MAP2K5: variants seen among roughly 807,000 people sequenced by gnomAD.
MAP2K5 encodes the protein dual specificity mitogen-activated protein kinase kinase 5.
Under a neutral mutation model 83.1 loss-of-function variants are expected in MAP2K5, and 49 were observed. The ratio of observed to expected loss-of-function variants is 0.59; its 90% CI spans 0.47 to 0.75. The LOEUF (loss-of-function observed/expected upper bound fraction) is 0.75. Ranked by LOEUF, MAP2K5 falls within the 30% of genes least tolerant of loss-of-function variation. The pLI is 0.00. For synonymous variants in MAP2K5, 202 were observed against 191.8 expected (o/e 1.05, Z -0.44); for missense variants, 457 against 557.5 (o/e 0.82, Z 1.82).
rs537587183 is a variant in MAP2K5 at position 67,623,802 on chromosome 15, G to A, written c.546-7086G>A. ...AATAGAGACGGGGTTTCTCCATGTT[G>A]GTCAGGCTGGTCTCGAACTCCCAAC... On this transcript the variant is annotated intron_variant, in intron 8 of 21. Transcript: ENST00000178640. Among the ~76,000 whole-genome samples, 24 of 151,826 alleles carry A rather than the reference G, an allele frequency of 1.6e-4. No homozygotes were observed. The East Asian group carries it at 2.9e-3, about 19-fold the overall frequency.
In MAP2K5 at chr15:67,690,803, G is replaced by T. The variant is rs2088090621; in HGVS notation, c.848-1676G>T. Among the ~76,000 whole-genome samples the T allele has an allele frequency of 1.3e-5, 2 of 152,056 alleles. No homozygotes were observed. ...CCTGCCTCAGCCTCCCAAAGTGTTG[G>T]GATTACATGCGTGAGCCACTGCTCC... On this transcript the variant is annotated intron_variant, in intron 13 of 21. Coordinates refer to ENST00000178640, the MANE Select transcript of MAP2K5 (RefSeq NM_145160.3). This position sits in a 1 kb window ranked among gnomAD's most constrained non-coding sequence, Gnocchi z 4.3.
At chr15:67,726,734 G>C (rs1015314123) in intron 16 of MAP2K5, among the ~76,000 whole-genome samples, 3 of 152,166 alleles carry the variant, frequency 2.0e-5, no homozygotes, top group African/African-American at 7.2e-5. Context: ...CTTTGAAGTG[G>C]GTTGATGCTC....
At chr15:67,806,050 C>G (rs2090798297) in intron 21 of MAP2K5, among the ~76,000 whole-genome samples, 1 of 152,198 alleles carries the variant, frequency 6.6e-6, no homozygotes, top group Non-Finnish European at 1.5e-5. Flanking sequence ...AGTCCAGCCC[C>G]CAATGGAACT....
rs1197779216 is a variant in MAP2K5 at position 67,672,605 on chromosome 15, G to C, written c.847+7960G>C. ...GGTTGTGAAAATTTTCTCACATTTT[G>C]TAGGTTGCCTGTTCACTCTGATGGT... On this transcript the variant is annotated intron_variant, in intron 13 of 21. Transcript: ENST00000178640. Among the ~76,000 whole-genome samples, 5 of 150,774 alleles carry C rather than the reference G, an allele frequency of 3.3e-5. No individual in the cohort carries two copies. The East Asian group carries it at 9.7e-4, about 29-fold the overall frequency.
At chr15:67,680,492 G>GA (rs1464752689) in intron 13 of MAP2K5, among the ~76,000 whole-genome samples, 1 of 152,136 alleles carries the variant, frequency 6.6e-6, no homozygotes, top group Non-Finnish European at 1.5e-5. Flanking sequence ...GTTAAAGAGT[G>GA]ACCACATAGT....
intron 9 of MAP2K5, among the ~76,000 whole-genome samples, chr15:67,639,303 T>C (rs911650732): frequency 3.3e-5 from 5 of 152,230 alleles, no homozygotes; most frequent in Admixed American, 6.5e-5. Context: ...TTGTCAGACA[T>C]GTATACCAGC....
chr15:67,780,689 G>A lies in MAP2K5; in HGVS notation c.1242+7937G>A, dbSNP rs542726731. Among the ~76,000 whole-genome samples the A allele has an allele frequency of 6.6e-6, 1 of 152,296 alleles. No individual in the cohort carries two copies. The highest frequency in any genetic ancestry group is 1.9e-4 in the East Asian group (1 of 5,186). ...TTTTGTTTGACCTCCTGCTAGGAGA[G>A]GTCATCTAGGTTAGAAAATTTGGTG... On this transcript the variant is annotated intron_variant, in intron 21 of 21. Coordinates refer to ENST00000178640, the MANE Select transcript of MAP2K5 (RefSeq NM_145160.3). The surrounding 1 kb of genome is among the most constrained non-coding windows in gnomAD (Gnocchi z 5.0).
intron 9 of MAP2K5, among the ~76,000 whole-genome samples, chr15:67,631,162 A>G (rs71400373): frequency 0.043 from 6,577 of 152,218 alleles, 219 homozygotes; most frequent in South Asian, 0.077. Flanking sequence ...AAGAAGAGAA[A>G]ATTTCTTTCT....
chr15:67,591,854 G>A (rs1168523912), intron 6 of MAP2K5, among the ~76,000 whole-genome samples: 1 of 151,418 alleles, frequency 6.6e-6, no homozygotes, highest in African/African-American at 2.4e-5. Context: ...GCTCCCGCCT[G>A]TAATCCCAGC....
chr15:67,691,861 A>G (rs750480543), intron 13 of MAP2K5, among the ~76,000 whole-genome samples: 1 of 152,242 alleles, frequency 6.6e-6, no homozygotes, highest in Non-Finnish European at 1.5e-5. Flanking sequence ...AAATGAAACA[A>G]AGACTAATAA....
chr15:67,754,576 A>G (rs1373208212), intron 19 of MAP2K5, among the ~76,000 whole-genome samples: 1 of 152,242 alleles, frequency 6.6e-6, no homozygotes, highest in Non-Finnish European at 1.5e-5. Flanking sequence ...AAAAACTATA[A>G]TAAAGCTATG....
chr15:67,671,567 A>G (rs1309908119), intron 13 of MAP2K5, among the ~76,000 whole-genome samples: 1 of 152,208 alleles, frequency 6.6e-6, no homozygotes, highest in Non-Finnish European at 1.5e-5. Context: ...TATCAGGGAC[A>G]CTGAAAATGA....
At chr15:67,754,462 C>G (rs1021465359) in intron 19 of MAP2K5, among the ~76,000 whole-genome samples, 24 of 152,252 alleles carry the variant, frequency 1.6e-4, no homozygotes, top group African/African-American at 5.5e-4. Flanking sequence ...TGAGCTCCTC[C>G]TTGGGCTGTG....
At chr15:67,627,742 T>C (rs953925640) in intron 8 of MAP2K5, 1 of 279,442 alleles carries the variant, frequency 3.6e-6, no homozygotes, top group African/African-American at 2.2e-5. Context: ...GTGAATGTTA[T>C]CATATGTAAA....
intron 7 of MAP2K5, among the ~76,000 whole-genome samples, chr15:67,594,558 A>G (rs2141016789): frequency 6.6e-6 from 1 of 152,334 alleles, no homozygotes; most frequent in South Asian, 2.1e-4. Context: ...GCAAAAAATA[A>G]GCATTTTCAT....
chr15:67,774,174 TG>T lies in MAP2K5; in HGVS notation c.1242+1423del, dbSNP rs1235490455. 2.0e-4 allele frequency among the ~76,000 whole-genome samples: 6 copies of T among 29,284 alleles called. No individual in the cohort carries two copies. Among genetic ancestry groups the T allele is most frequent in the Non-Finnish European group, 7.4e-4 (6 of 8,148 alleles). 19.2% of individuals were successfully genotyped at this position (29,284 alleles called of 152,430 possible). ...AGCAAGTGATGTGTGTGTATGTGTGTGTGTGTGTGTGTGTGTGTGTGTGTGT... is the reference window on the plus strand; with the variant it reads ...AGCAAGTGATGTGTGTGTATGTGTGTTGTGTGTGTGTGTGTGTGTGTGTGT... On this transcript the variant is annotated intron_variant, in intron 21 of 21. Coordinates refer to ENST00000178640, the MANE Select transcript of MAP2K5 (RefSeq NM_145160.3). This position sits in a 1 kb window ranked among gnomAD's most constrained non-coding sequence, Gnocchi z 4.9.
chr15:67,756,666 C>A (rs568092000), intron 19 of MAP2K5, among the ~76,000 whole-genome samples: 132 of 151,968 alleles, frequency 8.7e-4, no homozygotes, highest in Non-Finnish European at 1.7e-3. Flanking sequence ...GTAAGTTTGT[C>A]CCCTTTGACG....
chr15:67,634,686 T>C (rs2086559808), intron 9 of MAP2K5, among the ~76,000 whole-genome samples: 1 of 152,198 alleles, frequency 6.6e-6, no homozygotes, highest in South Asian at 2.1e-4. Flanking sequence ...CTTCTTTGTC[T>C]GTGATCATAT....
At chr15:67,725,431 T>C (rs1297656435) in intron 16 of MAP2K5, among the ~76,000 whole-genome samples, 3 of 152,224 alleles carry the variant, frequency 2.0e-5, no homozygotes, top group African/African-American at 7.2e-5. Flanking sequence ...CTTAATTCTT[T>C]AAATTGCAAG....
Sources: allele counts gnomAD v4.1 joint callset (sites outside exome capture counted in the v4.1 genomes callset), GRCh38; gene constraint gnomAD v4.1.1; non-coding constraint Gnocchi (gnomAD v3.1); transcripts MANE v1.5; gene names NCBI Gene and HGNC (gene_info 2026-07-23, HGNC 2026-07-21).